SYNE1: variants seen among roughly 807,000 people sequenced by gnomAD.
The protein encoded by SYNE1 is spectrin repeat containing nuclear envelope protein 1, also known as nesprin-1.
Under a neutral mutation model 1,111.0 loss-of-function variants are expected in SYNE1, and 616 were observed. The ratio of observed to expected loss-of-function variants is 0.55; its 90% confidence interval spans 0.52 to 0.59. The LOEUF (loss-of-function observed/expected upper bound fraction) is 0.59, where lower values mean the gene tolerates loss of function less well. Among genes scored for constraint, SYNE1 ranks in the 20% least tolerant of loss-of-function variants. The pLI is 0.00. For synonymous variants in SYNE1, 3,855 were observed against 3,825.8 expected, an observed-to-expected ratio of 1.01 and a Z score of -0.28; for missense variants, 10,006 against 10,417.0, an observed-to-expected ratio of 0.96 and a Z score of 1.72.
chr6:152,425,536 A>G lies in SYNE1; in HGVS notation c.5112T>C (p.Asn1704=), dbSNP rs1289373032. ...GELQLIQALQ[N]EVVSQASFYS... ...AGAATGAGGCCTGGGATACAACTTC[A>G]TTTTGCAGTGCCTGAAAAATACAAG... is the stretch of plus-strand genomic sequence containing the variant. Residue 1704 remains asparagine (N), a synonymous_variant, in exon 39 of 146, where the codon AAT becomes AAC. Transcript: ENST00000367255. 1 of 1,614,012 alleles carries G rather than the reference A, an allele frequency of 6.2e-7. No homozygotes were observed. Among genetic ancestry groups the G allele is most frequent in the Admixed American group, 1.7e-5 (1 of 59,986 alleles).
intron 104 of SYNE1, among the ~76,000 whole-genome samples, chr6:152,253,661 A>C (rs183409387): frequency 2.0e-5 from 3 of 152,254 alleles, no homozygotes; most frequent in African/African-American, 7.2e-5. Flanking sequence ...AATGAATATG[A>C]GAAAATATTT....
At chr6:152,350,869 G>T in intron 70 of SYNE1, 99 bp from the exon 71 acceptor site, 1 of 1,409,544 alleles carries the variant, frequency 7.1e-7, no homozygotes, top group Non-Finnish European at 1.0e-6. Flanking sequence ...CTACCTCAAA[G>T]AAAGATTGTT....
At chr6:152,188,422 T>TCCCAA in intron 128 of SYNE1, among the ~76,000 whole-genome samples, 1 of 152,282 alleles carries the variant, frequency 6.6e-6, no homozygotes, top group East Asian at 1.9e-4. Context: ...GGATATTTTT[T>TCCCAA]TAAAACGTTG....
intron 140 of SYNE1, among the ~76,000 whole-genome samples, chr6:152,137,913 G>C (rs942790517): frequency 5.3e-5 from 8 of 152,080 alleles, no homozygotes; most frequent in Non-Finnish European, 1.0e-4. Context: ...CTTTTTTCTT[G>C]TCATGCCGGA....
intron 105 of SYNE1, among the ~76,000 whole-genome samples, chr6:152,246,477 A>G (rs188787665): frequency 4.7e-4 from 71 of 152,338 alleles, no homozygotes; most frequent in African/African-American, 1.7e-3. Flanking sequence ...TGAGAGCAGA[A>G]ATGCCAATTC....
In SYNE1 at chr6:152,465,244, T is replaced by C. The variant is rs375821465; in HGVS notation, c.1932+14A>G. The C allele has an allele frequency of 1.2e-6, 2 of 1,613,166 alleles. No individual in the cohort carries two copies. The highest frequency in any genetic ancestry group is 1.7e-6 in the Non-Finnish European group (2 of 1,179,490). On this transcript the variant is annotated intron_variant, in intron 18 of 145. Coordinates refer to ENST00000367255, the MANE Select transcript of SYNE1 (RefSeq NM_182961.4). The stretch of plus-strand genomic sequence containing the variant: ...ACATCAAACGTCTTTTCTTTTTGCA[T>C]GAACCAATCTTACCTTTTTGGCATT...
intron 72 of SYNE1, among the ~76,000 whole-genome samples, chr6:152,348,746 GT>G (rs60424784): frequency 0.16 from 15,982 of 99,412 alleles, 898 homozygotes; most frequent in East Asian, 0.32. Flanking sequence ...AAGTTCTAGT[GT>G]TTTTTTTTTT....
chr6:152,305,932 A>C (rs1325545930), intron 91 of SYNE1, among the ~76,000 whole-genome samples: 23 of 152,238 alleles, frequency 1.5e-4, no homozygotes, highest in Admixed American at 1.4e-3. Context: ...AGTCAGGAAG[A>C]CATAGTCCAC....
At chr6:152,327,376 C>G (rs1032293462) in intron 78 of SYNE1, among the ~76,000 whole-genome samples, 1 of 151,934 alleles carries the variant, frequency 6.6e-6, no homozygotes, top group African/African-American at 2.4e-5. Context: ...GACCACAGAG[C>G]CACAGAGTAA....
chr6:152,455,503 A>G lies in SYNE1; in HGVS notation c.2815T>C (p.Leu939=), dbSNP rs1286096273. ...TGAGCAATCCGCAGTACCTTCTCCAACTCTGCTCGAGACTCCTCAAACTTC... is the reference window on the plus strand; with the variant it reads ...TGAGCAATCCGCAGTACCTTCTCCAGCTCTGCTCGAGACTCCTCAAACTTC... The part of the protein sequence containing the change: ...MKKFEESRAE[L]EKVLRIAQEG... Residue 939 remains leucine (L), a synonymous_variant, in exon 24 of 146, where the codon TTG becomes CTG. Coordinates refer to ENST00000367255, the MANE Select transcript of SYNE1 (RefSeq NM_182961.4). The G allele has an allele frequency of 9.9e-6, 16 of 1,613,712 alleles. No individual in the cohort carries two copies. Among genetic ancestry groups the G allele is most frequent in the Non-Finnish European group, 1.1e-5 (13 of 1,179,944 alleles).
rs1354353831 is a variant in SYNE1 at position 152,636,714 on chromosome 6, A to C, written c.-300T>G. 6.6e-6 allele frequency: 1 copy of C among 152,166 alleles called. No individual in the cohort carries two copies. The highest frequency in any genetic ancestry group is 2.4e-5 in the African/African-American group (1 of 41,428). 9.4% of individuals were successfully genotyped at this position (152,166 alleles called of 1,614,324 possible). Reference sequence around the variant, plus strand: ...CGCTTCCTCCCGGCTCTCTGCGCCCAGGCTCGGCGGGACCCCGGGGATGCG... The same window carrying C: ...CGCTTCCTCCCGGCTCTCTGCGCCCCGGCTCGGCGGGACCCCGGGGATGCG... On this transcript the variant is annotated 5_prime_UTR_variant, in exon 2 of 146. Transcript: ENST00000367255.
At chr6:152,364,031 G>C (rs986022658) in intron 63 of SYNE1, among the ~76,000 whole-genome samples, 1 of 152,158 alleles carries the variant, frequency 6.6e-6, no homozygotes, top group Non-Finnish European at 1.5e-5. Context: ...GTCATGGGAG[G>C]GACCCAATGG....
intron 53 of SYNE1, 76 bp from the exon 54 acceptor site, chr6:152,387,457 C>T (rs1309486755): frequency 4.8e-6 from 7 of 1,453,448 alleles, no homozygotes; most frequent in Non-Finnish European, 6.7e-6. Context: ...AAAGTCGTGA[C>T]ATCCATGCCA....
Position 152,331,298 on chromosome 6 carries a change from A to G in SYNE1, c.13387T>C (p.Phe4463Leu). ...TGCTGAATTTGGCTGGTGGCCTGGAACACTGCCATGAGAAACTGGGTTTTC... is the reference window on the plus strand; with the variant it reads ...TGCTGAATTTGGCTGGTGGCCTGGAGCACTGCCATGAGAAACTGGGTTTTC... The part of the protein sequence containing the change: ...SEKTQFLMAV[F>L]QATSQIQQHE... The change falls in exon 78 of 146, where the codon TTC (phenylalanine) becomes CTC (leucine). Residue 4463 changes from phenylalanine (F) to leucine (L), a missense_variant. By Grantham distance (22) the Phe-to-Leu change is conservative. Around this residue, in one of 7 missense-constraint regions of SYNE1, gnomAD observed 4,955 missense variants for 5,017.2 expected, o/e 0.99. Transcript: ENST00000367255. 6.2e-7 allele frequency: 1 copy of G among 1,614,120 alleles called. No homozygotes were observed. The highest frequency in any genetic ancestry group is 8.5e-7 in the Non-Finnish European group (1 of 1,180,022).
intron 3 of SYNE1, among the ~76,000 whole-genome samples, chr6:152,607,443 G>T (rs2099619082): frequency 6.6e-6 from 1 of 151,876 alleles, no homozygotes; most frequent in Admixed American, 6.6e-5. Flanking sequence ...ATGTTTGTTG[G>T]CCAACATCAC....
intron 50 of SYNE1, 30 bp from the exon 51 acceptor site, chr6:152,395,701 T>C (rs1239040651): frequency 6.2e-7 from 1 of 1,612,136 alleles, no homozygotes. Context: ...TTAGAGAAAT[T>C]CTTACATGCT....
intron 127 of SYNE1, among the ~76,000 whole-genome samples, chr6:152,193,874 G>T (rs186786134): frequency 2.0e-3 from 311 of 151,846 alleles, no homozygotes; most frequent in African/African-American, 7.2e-3. Flanking sequence ...TTAGCCGGGC[G>T]TGGTGGTGGG....
At chr6:152,540,113 T>C in intron 3 of SYNE1, 92 bp from the exon 4 acceptor site, 1 of 1,283,668 alleles carries the variant, frequency 7.8e-7, no homozygotes, top group South Asian at 1.2e-5. Flanking sequence ...CTGGAAGGAA[T>C]CGTGAAATCG....
In SYNE1 at chr6:152,236,198, G is replaced by A. The variant is rs751613329; in HGVS notation, c.20305C>T (p.Leu6769=). The A allele has an allele frequency of 3.7e-6, 6 of 1,614,118 alleles. No homozygotes were observed. Among genetic ancestry groups the A allele is most frequent in the Middle Eastern group, 1.6e-4 (1 of 6,062 alleles). Residue 6769 remains leucine (L), a synonymous_variant, in exon 110 of 146, where the codon CTA becomes TTA. Coordinates refer to ENST00000367255, the MANE Select transcript of SYNE1 (RefSeq NM_182961.4). ...SISCSDLESQ[L]NQLGECWLSN... ...AGCCAGCACTCTCCAAGTTGATTTA[G>A]TTGGCTTTCTAGATCTGAGCAGCTG...
Sources: allele counts gnomAD v4.1 joint callset (sites outside exome capture counted in the v4.1 genomes callset), GRCh38; gene constraint gnomAD v4.1.1; regional missense constraint gnomAD v4.1.1; transcripts MANE v1.5; gene names NCBI Gene and HGNC (gene_info 2026-07-23, HGNC 2026-07-21).